ARHGEF18: variants seen among roughly 807,000 people sequenced by gnomAD.
ARHGEF18 encodes the protein Rho/Rac guanine nucleotide exchange factor 18, also known as rho guanine nucleotide exchange factor 18.
A neutral mutation model predicts 155.7 loss-of-function variants in ARHGEF18; 93 were observed. That is an observed-to-expected ratio of 0.60 (90% CI 0.50 to 0.71). The LOEUF (loss-of-function observed/expected upper bound fraction) is 0.71, where lower values mean the gene tolerates loss of function less well. ARHGEF18 is among the 30% of genes least tolerant of loss of function. The pLI is 0.00. For synonymous variants in ARHGEF18, 742 were observed against 753.1 expected (o/e 0.99, Z 0.24); for missense variants, 1,593 against 1,816.1 (o/e 0.88, Z 2.23).
rs1420078481 is a variant in ARHGEF18, at chr19:7,439,697, G to A, written c.968-647G>A. On this transcript the variant is annotated intron_variant, in intron 10 of 28. Coordinates refer to ENST00000668164, the MANE Select transcript of ARHGEF18 (RefSeq NM_001367823.1). ...ATGACCAGGGGCGGCTAAACACCAT[G>A]CCCTGCCATCTCTGGGTCTTAGAGT... 11 of 1,250,988 alleles carry A rather than the reference G, an allele frequency of 8.8e-6. No homozygotes were observed. The Admixed American group carries it at 2.7e-4, about 31-fold the overall frequency. 77.5% of individuals were successfully genotyped at this position (1,250,988 alleles called of 1,614,324 possible).
At chr19:7,391,572 TC>T (rs1231643793) in intron 10 of ARHGEF18, among the ~76,000 whole-genome samples, 1 of 152,110 alleles carries the variant, frequency 6.6e-6, no homozygotes, top group Admixed American at 6.6e-5. Flanking sequence ...TGTGCCTTGC[TC>T]ATCCAGCGCT....
intron 10 of ARHGEF18, among the ~76,000 whole-genome samples, chr19:7,426,216 G>A (rs761126521): frequency 3.1e-4 from 47 of 151,896 alleles, no homozygotes; most frequent in Non-Finnish European, 4.6e-4. Flanking sequence ...ACCTGGGCGC[G>A]GTGGCTCATG....
In ARHGEF18 at chr19:7,375,805, G is replaced by T; in HGVS notation, c.361G>T (p.Gly121Trp). ...CCTTGCTTTGAACCTGCCAGGAGGA[G>T]GGCTGAAGACCTGGACTCAAGGGTG... is the stretch of plus-strand genomic sequence containing the variant. ...ASLALNLPGG[G>W]LKTWTQGCLS... is the part of the protein sequence containing the mutation. Residue 121 changes from glycine to tryptophan, a missense_variant, in exon 4 of 29, where the codon GGG becomes TGG. Coordinates refer to ENST00000668164, the MANE Select transcript of ARHGEF18 (RefSeq NM_001367823.1). 1 of 1,234,508 alleles carries T rather than the reference G, an allele frequency of 8.1e-7. No homozygotes were observed. Among genetic ancestry groups the T allele is most frequent in the South Asian group, 4.1e-5 (1 of 24,416 alleles). 76.5% of individuals were successfully genotyped at this position (1,234,508 alleles called of 1,614,324 possible).
intron 2 of ARHGEF18, among the ~76,000 whole-genome samples, chr19:7,367,977 AAG>A (rs537429456): frequency 0.012 from 814 of 66,780 alleles, 7 homozygotes; most frequent in South Asian, 0.02. Flanking sequence ...AAAGGAAAGA[AAG>A]AGAGAGAGAG....
intron 10 of ARHGEF18, among the ~76,000 whole-genome samples, chr19:7,407,893 C>A (rs1053522202): frequency 7.5e-6 from 1 of 133,784 alleles, no homozygotes; most frequent in Admixed American, 8.8e-5. Flanking sequence ...ACCCAGGAGG[C>A]GGAGCTTGCA....
intron 17 of ARHGEF18, among the ~76,000 whole-genome samples, chr19:7,455,978 T>G (rs1364989480): frequency 6.6e-6 from 1 of 152,078 alleles, no homozygotes; most frequent in Non-Finnish European, 1.5e-5. Context: ...AGATGAGATG[T>G]GGGTGGGGAC....
At chr19:7,435,089 C>G (rs1600428035) in intron 10 of ARHGEF18, among the ~76,000 whole-genome samples, 1 of 152,090 alleles carries the variant, frequency 6.6e-6, no homozygotes, top group South Asian at 2.1e-4. Flanking sequence ...GTAATCCCAG[C>G]TACTCGGGAG....
intron 10 of ARHGEF18, among the ~76,000 whole-genome samples, chr19:7,436,050 C>G (rs1434180337): frequency 6.6e-6 from 1 of 152,160 alleles, no homozygotes; most frequent in African/African-American, 2.4e-5. Flanking sequence ...GTTGCCCAGA[C>G]TGGTCTCTAA....
chr19:7,442,674 G>C (rs966758683), intron 13 of ARHGEF18, among the ~76,000 whole-genome samples: 1 of 152,178 alleles, frequency 6.6e-6, no homozygotes, highest in Non-Finnish European at 1.5e-5. Flanking sequence ...TTCTTCCCTT[G>C]TTGGTGGCTG....
At chr19:7,378,178 A>ACAACAC (rs1230950301) in intron 5 of ARHGEF18, among the ~76,000 whole-genome samples, 1 of 152,108 alleles carries the variant, frequency 6.6e-6, no homozygotes, top group African/African-American at 2.4e-5. Flanking sequence ...TAAAGCACTT[A>ACAACAC]GTAGGTTGTA....
intron 1 of ARHGEF18, among the ~76,000 whole-genome samples, chr19:7,362,208 GAAA>G (rs1969646456): frequency 7.9e-6 from 1 of 126,890 alleles, no homozygotes; most frequent in South Asian, 2.2e-4. Flanking sequence ...AGAAGAAGGA[GAAA>G]AGAAGAGGAA....
Position 7,444,480 on chromosome 19 carries a change from CA to C in ARHGEF18, c.1611+27del. Reference sequence around the variant, plus strand: ...GTGGGTGCAGCCGTGTTCATCTCAACAGTCTTCAAAGCCTCTGCCTTGTCTC... The same window carrying C: ...GTGGGTGCAGCCGTGTTCATCTCAACGTCTTCAAAGCCTCTGCCTTGTCTC... On this transcript the variant is annotated intron_variant, in intron 14 of 28. Transcript: ENST00000668164. The surrounding 1 kb of genome is among the most constrained non-coding windows in gnomAD (Gnocchi z 4.7). The C allele has an allele frequency of 6.2e-7, 1 of 1,608,326 alleles. No homozygotes were observed. Among genetic ancestry groups the C allele is most frequent in the Non-Finnish European group, 8.5e-7 (1 of 1,176,610 alleles).
chr19:7,453,624 C>T lies in ARHGEF18; in HGVS notation c.2013C>T (p.Asn671=), dbSNP rs765889171. ...MDLKSSSKLK[N]GLTFRKEDML... ...TGAAGTCTTCCAGCAAACTCAAGAA[C>T]GGGCTCACCTTCCGCAAGGAAGACA... The change falls in exon 17 of 29, where the codon AAC becomes AAT. Residue 671 remains asparagine (N), a synonymous_variant. Coordinates refer to ENST00000668164, the MANE Select transcript of ARHGEF18 (RefSeq NM_001367823.1). The T allele has an allele frequency of 2.7e-5, 43 of 1,612,756 alleles. No homozygotes were observed. The highest frequency in any genetic ancestry group is 1.6e-4 in the Middle Eastern group (1 of 6,078).
chr19:7,474,730 T>C (rs528195458), downstream of ARHGEF18, among the ~76,000 whole-genome samples: 15 of 147,198 alleles, frequency 1.0e-4, no homozygotes, highest in African/African-American at 3.6e-4. Flanking sequence ...GGCCAGTTGC[T>C]ATTCTCCTGA....
At chr19:7,380,107 AGT>A (rs1970652401) in intron 7 of ARHGEF18, among the ~76,000 whole-genome samples, 1 of 150,898 alleles carries the variant, frequency 6.6e-6, no homozygotes, top group South Asian at 2.1e-4. Context: ...GAGTCCAGGC[AGT>A]GAAGGCTGCC....
intron 20 of ARHGEF18, among the ~76,000 whole-genome samples, chr19:7,461,220 C>T (rs1400231790): frequency 1.3e-5 from 2 of 151,012 alleles, no homozygotes; most frequent in African/African-American, 4.9e-5. Flanking sequence ...TGAGACCAGC[C>T]TGGACAACAT....
intron 13 of ARHGEF18, among the ~76,000 whole-genome samples, chr19:7,442,884 C>T (rs1268105515): frequency 6.6e-6 from 1 of 151,936 alleles, no homozygotes; most frequent in Admixed American, 6.6e-5. Context: ...CATGGTCTTT[C>T]TCAGGTCCTC....
At chr19:7,384,329 T>TG (rs1389571916) in intron 10 of ARHGEF18, among the ~76,000 whole-genome samples, 2 of 152,086 alleles carry the variant, frequency 1.3e-5, no homozygotes, top group East Asian at 1.9e-4. Context: ...AAAAGTCTCC[T>TG]GGGGGGCAGA....
At chr19:7,429,604 AAAAT>A (rs1045649581) in intron 10 of ARHGEF18, among the ~76,000 whole-genome samples, 1 of 152,208 alleles carries the variant, frequency 6.6e-6, no homozygotes, top group Non-Finnish European at 1.5e-5. Flanking sequence ...CTCCGTCTCA[AAAAT>A]AAATAAATAA....
Sources: allele counts gnomAD v4.1 joint callset (sites outside exome capture counted in the v4.1 genomes callset), GRCh38; gene constraint gnomAD v4.1.1; non-coding constraint Gnocchi (gnomAD v3.1); transcripts MANE v1.5; gene names NCBI Gene and HGNC (gene_info 2026-07-23, HGNC 2026-07-21).